The following CDC26 variants were observed in gnomAD, a reference collection of about 807,000 sequenced individuals.
CDC26 encodes anaphase-promoting complex subunit CDC26.
Under a neutral mutation model 8.0 loss-of-function variants are expected in CDC26, and 2 were observed. That is an observed-to-expected ratio of 0.25 (90% CI 0.10 to 0.79). The LOEUF is 0.79. Ranked by LOEUF, CDC26 falls within the 30% of genes least tolerant of loss-of-function variation. The pLI, the probability that CDC26 is intolerant of heterozygous loss-of-function variation, is 0.70. For missense variants in CDC26, 68 were observed against 106.0 expected (o/e 0.64, Z 1.57); for synonymous variants, 19 against 34.9 (o/e 0.55, Z 1.60).
chr9:113,274,286 A>G (rs3810918), intron 1 of CDC26, among the ~76,000 whole-genome samples: 36,514 of 152,094 alleles, frequency 0.24, 4,760 homozygotes, highest in African/African-American at 0.32. Flanking sequence ...ATGTACAGAT[A>G]CAAATTATTA....
intron 3 of CDC26, among the ~76,000 whole-genome samples, chr9:113,270,064 C>T (rs1483110612): frequency 1.3e-5 from 2 of 152,140 alleles, no homozygotes; most frequent in Non-Finnish European, 2.9e-5. Flanking sequence ...ACAATTACAA[C>T]AGAGAGTGAC....
At chr9:113,267,814 C>G (rs1831886951) in intron 3 of CDC26, among the ~76,000 whole-genome samples, 1 of 152,070 alleles carries the variant, frequency 6.6e-6, no homozygotes, top group South Asian at 2.1e-4. Context: ...TGGTGAAACT[C>G]CATCTCTACT....
At chr9:113,274,997 A>G (rs572624273) in intron 1 of CDC26, among the ~76,000 whole-genome samples, 1 of 152,110 alleles carries the variant, frequency 6.6e-6, no homozygotes, top group East Asian at 1.9e-4. Flanking sequence ...CTTCCTATCC[A>G]TCATCTTACT....
rs376034518 is a variant in CDC26 at position 113,271,872 on chromosome 9, CTGT to C, written c.81+552_81+554del. On this transcript the variant is annotated intron_variant, in intron 3 of 3. Transcript: ENST00000374206. ...TATTTATGTATGACAGAGAGTCTCA[CTGT>C]TGCCCAGTGTGGAGTACAGTGGAGC... Among the ~76,000 whole-genome samples the C allele has an allele frequency of 8.7e-4, 133 of 152,286 alleles. 2 individuals are homozygous for C. The East Asian group carries it at 0.013, about 14-fold the overall frequency.
At chr9:113,274,559 CCTTT>C (rs1424128725) in intron 1 of CDC26, among the ~76,000 whole-genome samples, 3 of 152,144 alleles carry the variant, frequency 2.0e-5, no homozygotes, top group African/African-American at 7.2e-5. Flanking sequence ...ATACATTTTA[CCTTT>C]TCTGCAAACT....
intron 3 of CDC26, among the ~76,000 whole-genome samples, chr9:113,268,788 G>C (rs1564229397): frequency 6.6e-6 from 1 of 151,784 alleles, no homozygotes; most frequent in Non-Finnish European, 1.5e-5. Flanking sequence ...CTGAGTCTCT[G>C]TCTGTTGCCA....
In CDC26 at chr9:113,267,255, A is replaced by G. The variant is rs112138153; in HGVS notation, c.*8T>C. On this transcript the variant is annotated 3_prime_UTR_variant, in exon 4 of 4. Coordinates refer to ENST00000374206, the MANE Select transcript of CDC26 (RefSeq NM_139286.4). ...TTCCAGCGCTCTGGCATGCAAGATAATCCATCTCTAAAATTCAAGACTTCC... is the reference window on the plus strand; with the variant it reads ...TTCCAGCGCTCTGGCATGCAAGATAGTCCATCTCTAAAATTCAAGACTTCC... 26 of 1,465,802 alleles carry G rather than the reference A, an allele frequency of 1.8e-5. No homozygotes were observed. The African/African-American group carries it at 1.9e-4, about 10-fold the overall frequency. 90.8% of individuals were successfully genotyped at this position (1,465,802 alleles called of 1,614,324 possible).
At chr9:113,270,342 C>T (rs1174561725) in intron 3 of CDC26, among the ~76,000 whole-genome samples, 1 of 152,156 alleles carries the variant, frequency 6.6e-6, no homozygotes, top group South Asian at 2.1e-4. Flanking sequence ...TATTAATGGA[C>T]ATCTAATACC....
chr9:113,267,581 A>C (rs1831883076), intron 3 of CDC26, 142 bp from the exon 4 acceptor site: 1 of 1,106,780 alleles, frequency 9.0e-7, no homozygotes, highest in African/African-American at 1.6e-5. Flanking sequence ...CTAGGTTTGG[A>C]GTACTTAGGG....
chr9:113,273,538 TGA>T (rs1286000026), intron 1 of CDC26, 100 bp from the exon 2 acceptor site: 4 of 152,178 alleles, frequency 2.6e-5, no homozygotes, highest in African/African-American at 9.7e-5. Context: ...CAGTCTGGGC[TGA>T]GTGTGGGGTG....
At chr9:113,273,628 G>A (rs893590302) in intron 1 of CDC26, among the ~76,000 whole-genome samples, 190 bp from the exon 2 acceptor site, 16 of 151,988 alleles carry the variant, frequency 1.1e-4, no homozygotes, top group Admixed American at 6.6e-4. Context: ...AGAGAAGAAT[G>A]CACAAGGAGG....
chr9:113,268,220 T>A (rs772091298), intron 3 of CDC26, among the ~76,000 whole-genome samples: 3 of 152,122 alleles, frequency 2.0e-5, no homozygotes, highest in Non-Finnish European at 4.4e-5. Context: ...AATTTATTAT[T>A]CTAGAGAATA....
intron 3 of CDC26, among the ~76,000 whole-genome samples, chr9:113,267,684 C>G: frequency 6.6e-6 from 1 of 151,964 alleles, no homozygotes; most frequent in Non-Finnish European, 1.5e-5. Flanking sequence ...GAAACCCTAT[C>G]TCTACTAAAA....
At chr9:113,270,590 G>A (rs967984736) in intron 3 of CDC26, among the ~76,000 whole-genome samples, 2 of 152,188 alleles carry the variant, frequency 1.3e-5, no homozygotes, top group African/African-American at 4.8e-5. Flanking sequence ...ACTTGGATAC[G>A]GTCAAAAGTG....
chr9:113,273,140 C>A (rs942597055), intron 2 of CDC26, among the ~76,000 whole-genome samples, 189 bp downstream of exon 2: 2 of 152,168 alleles, frequency 1.3e-5, no homozygotes, highest in Non-Finnish European at 2.9e-5. Flanking sequence ...TCACTTTAAT[C>A]TCATGTTCCA....
intron 2 of CDC26, 131 bp from the exon 3 acceptor site, chr9:113,272,679 G>C (rs991005842): frequency 8.4e-6 from 4 of 478,152 alleles, no homozygotes; most frequent in Non-Finnish European, 1.5e-5. Flanking sequence ...TTTACACATA[G>C]ACTTCTAAAG....
At chr9:113,272,907 G>A (rs1006764681) in intron 2 of CDC26, among the ~76,000 whole-genome samples, 1 of 152,078 alleles carries the variant, frequency 6.6e-6, no homozygotes, top group African/African-American at 2.4e-5. Flanking sequence ...GCCCAGGCTG[G>A]TCTCAAACTC....
At chr9:113,271,481 A>G (rs1831955628) in intron 3 of CDC26, among the ~76,000 whole-genome samples, 1 of 152,130 alleles carries the variant, frequency 6.6e-6, no homozygotes, top group African/African-American at 2.4e-5. Context: ...AAAGAAGACA[A>G]TATGACTCTG....
intron 3 of CDC26, among the ~76,000 whole-genome samples, chr9:113,271,522 G>A (rs1831956637): frequency 6.6e-6 from 1 of 152,170 alleles, no homozygotes; most frequent in South Asian, 2.1e-4. Flanking sequence ...ACAGTCATGA[G>A]TCAAGGAATG....
Sources: allele counts gnomAD v4.1 joint callset (sites outside exome capture counted in the v4.1 genomes callset), GRCh38; gene constraint gnomAD v4.1.1; transcripts MANE v1.5; gene names NCBI Gene and HGNC (gene_info 2026-07-23, HGNC 2026-07-21).